The following GBF1 variants were observed in gnomAD, a reference collection of about 807,000 sequenced individuals.
GBF1 encodes the protein Golgi-specific brefeldin A-resistance guanine nucleotide exchange factor 1.
In GBF1, 114 loss-of-function variants were observed where a neutral mutation model predicts 210.5. That is an observed-to-expected ratio of 0.54 (90% CI 0.47 to 0.63). The LOEUF is 0.63. GBF1 is among the 30% of genes least tolerant of loss of function. GBF1 has a pLI of 0.00. For synonymous variants in GBF1, 850 were observed against 889.2 expected (o/e 0.96, Z 0.78); for missense variants, 1,851 against 2,357.7 (o/e 0.79, Z 4.45).
Position 102,363,346 on chromosome 10 carries a change from A to C in GBF1, c.1967A>C (p.Glu656Ala). The C allele has an allele frequency of 6.2e-7, 1 of 1,614,110 alleles. No homozygotes were observed. The highest frequency in any genetic ancestry group is 1.1e-5 in the South Asian group (1 of 91,064). The stretch of plus-strand genomic sequence containing the variant: ...CCAGGTGGAGGGCGGCTGCCACCAG[A>C]ACATGGGAAATCAGGATGCAGTGAT... ...HLPGGGRLPP[E>A]HGKSGCSDLE... The change falls in exon 16 of 40, where the codon GAA becomes GCA. Residue 656 changes from glutamate to alanine, a missense_variant. Coordinates refer to ENST00000369983, the MANE Select transcript of GBF1 (RefSeq NM_001377137.1). This position sits in a 1 kb window ranked among gnomAD's most constrained non-coding sequence, Gnocchi z 4.2.
chr10:102,348,094 G>A (rs1177881457), intron 4 of GBF1, among the ~76,000 whole-genome samples: 3 of 152,078 alleles, frequency 2.0e-5, no homozygotes, highest in Middle Eastern at 6.8e-3. Flanking sequence ...GCACCACCAC[G>A]CCCGGCTAAT....
At chr10:102,342,841 G>A (rs1205422333) in intron 3 of GBF1, among the ~76,000 whole-genome samples, 1 of 152,134 alleles carries the variant, frequency 6.6e-6, no homozygotes, top group Non-Finnish European at 1.5e-5. Flanking sequence ...TCAGAGTAAG[G>A]TAGGGAGTAA....
At chr10:102,332,751 T>C (rs2057429688) in intron 3 of GBF1, among the ~76,000 whole-genome samples, 1 of 152,188 alleles carries the variant, frequency 6.6e-6, no homozygotes, top group African/African-American at 2.4e-5. Flanking sequence ...AGTGGATCTA[T>C]GGATCCTGAT....
chr10:102,243,464 TGTC>T (rs1253424216), upstream of GBF1, among the ~76,000 whole-genome samples: 1 of 152,194 alleles, frequency 6.6e-6, no homozygotes, highest in Non-Finnish European at 1.5e-5. Context: ...ACTAGGGAAT[TGTC>T]ATCTCTCTCC....
intron 1 of GBF1, among the ~76,000 whole-genome samples, chr10:102,246,955 C>T (rs2070911552): frequency 6.6e-6 from 1 of 152,206 alleles, no homozygotes; most frequent in Non-Finnish European, 1.5e-5. Flanking sequence ...AGTGGCCTAG[C>T]TAGAGCATGT....
At chr10:102,346,187 TG>T (rs1176622719) in intron 4 of GBF1, among the ~76,000 whole-genome samples, 2 of 152,154 alleles carry the variant, frequency 1.3e-5, no homozygotes, top group Non-Finnish European at 2.9e-5. Flanking sequence ...TTCACCATAT[TG>T]GCCAGGCTGG....
At chr10:102,319,401 A>G (rs991415566) in intron 3 of GBF1, among the ~76,000 whole-genome samples, 6 of 152,232 alleles carry the variant, frequency 3.9e-5, no homozygotes, top group African/African-American at 1.4e-4. Context: ...AGTATTATTC[A>G]TTTGAATTCA....
At chr10:102,368,488 A>T in intron 22 of GBF1, 34 bp downstream of exon 22, 4 of 1,150,722 alleles carry the variant, frequency 3.5e-6, no homozygotes, top group Non-Finnish European at 5.3e-6. Context: ...TTCACCTCCC[A>T]CTAGCTCTGT....
At chr10:102,267,545 A>G (rs865863819) in intron 3 of GBF1, among the ~76,000 whole-genome samples, 9 of 152,310 alleles carry the variant, frequency 5.9e-5, no homozygotes, top group Non-Finnish European at 1.0e-4. Context: ...AGTATGTTAT[A>G]TGAAAAAAAT....
intron 3 of GBF1, among the ~76,000 whole-genome samples, chr10:102,334,132 G>A (rs1343399677): frequency 6.6e-6 from 1 of 152,200 alleles, no homozygotes; most frequent in Non-Finnish European, 1.5e-5. Flanking sequence ...GAGCAGGCTG[G>A]TGACCCTCTA....
chr10:102,235,498 C>T, the GBF1 span, among the ~76,000 whole-genome samples: 2 of 152,292 alleles, frequency 1.3e-5, no homozygotes, highest in Non-Finnish European at 2.9e-5. Context: ...CCTCTCTGAG[C>T]ACATTTCTTC....
At chr10:102,247,116 A>G (rs2070938750) in intron 1 of GBF1, among the ~76,000 whole-genome samples, 1 of 152,354 alleles carries the variant, frequency 6.6e-6, no homozygotes, top group South Asian at 2.1e-4. Context: ...GCACTTTTGC[A>G]TGATGAGGTA....
At chr10:102,313,377 T>C (rs2078653310) in intron 3 of GBF1, among the ~76,000 whole-genome samples, 1 of 152,176 alleles carries the variant, frequency 6.6e-6, no homozygotes, top group Non-Finnish European at 1.5e-5. Flanking sequence ...TCTGTGGGCC[T>C]GTAAAATTCC....
rs377251064 is a variant in GBF1 at position 102,351,855 on chromosome 10, C to T, written c.427C>T (p.Leu143=). 8 of 1,591,634 alleles carry T rather than the reference C, an allele frequency of 5.0e-6. No homozygotes were observed. The African/African-American group carries it at 1.1e-4, about 21-fold the overall frequency. ...LMKILQVLRT[L]LLTPVGAHLT... ...TTCTTCCTGATAGGTTCTACGGACT[C>T]TGCTGCTAACCCCAGTGGGTGCCCA... The change falls in exon 6 of 40, where the codon CTG becomes TTG. Residue 143 remains leucine, a synonymous_variant. Coordinates refer to ENST00000369983, the MANE Select transcript of GBF1 (RefSeq NM_001377137.1).
At chr10:102,372,401 G>C (rs1033001284) in intron 29 of GBF1, among the ~76,000 whole-genome samples, 3 of 151,680 alleles carry the variant, frequency 2.0e-5, no homozygotes, top group Non-Finnish European at 2.9e-5. Flanking sequence ...TGTAATCCCA[G>C]CTACTCAGGA....
chr10:102,363,691 CTCT>C lies in GBF1; in HGVS notation c.2018-13_2018-11del, dbSNP rs1554977103. The C allele has an allele frequency of 1.9e-6, 3 of 1,543,566 alleles. No homozygotes were observed. The highest frequency in any genetic ancestry group is 1.4e-5 in the African/African-American group (1 of 73,484). ...AAAAGGTGTTACAGATATTTCCCCC[CTCT>C]TCTTCCTACTCCTAGCTGACAAAAA... On this transcript the variant is annotated splice_polypyrimidine_tract_variant and intron_variant, in intron 16 of 39. Coordinates refer to ENST00000369983, the MANE Select transcript of GBF1 (RefSeq NM_001377137.1). This position sits in a 1 kb window ranked among gnomAD's most constrained non-coding sequence, Gnocchi z 4.2.
Position 102,376,752 on chromosome 10 carries a change from C to G in GBF1, c.4240C>G (p.Leu1414Val). ...AAHITPDNFELCVKTLRIFVE... is the reference protein window; with the variant it reads ...AAHITPDNFEVCVKTLRIFVE... ...CCACATCACACCTGACAACTTTGAG[C>G]TCTGCGTCAAGACTCTCCGGATCTT... The change falls in exon 32 of 40, where the codon CTC (leucine) becomes GTC (valine). Residue 1414 changes from leucine to valine, a missense_variant. By Grantham distance (32) the Leu-to-Val change is conservative. Coordinates refer to ENST00000369983, the MANE Select transcript of GBF1 (RefSeq NM_001377137.1). 1 of 1,610,278 alleles carries G rather than the reference C, an allele frequency of 6.2e-7. No individual in the cohort carries two copies. Among genetic ancestry groups the G allele is most frequent in the African/African-American group, 1.3e-5 (1 of 75,010 alleles).
At chr10:102,242,657 T>C (rs1348125426), upstream of GBF1, among the ~76,000 whole-genome samples, 1 of 151,840 alleles carries the variant, frequency 6.6e-6, no homozygotes, top group Non-Finnish European at 1.5e-5. Context: ...GGCCAAACAC[T>C]GTGGCTCATG....
At position 102,382,583 on chromosome 10, in the gene GBF1, T is replaced by C. The variant is rs956427821; in HGVS notation, c.*247T>C. On this transcript the variant is annotated 3_prime_UTR_variant, in exon 40 of 40. Coordinates refer to ENST00000369983, the MANE Select transcript of GBF1 (RefSeq NM_001377137.1). ...CCTGAGAGTGAACTCAGCTGTCATC[T>C]GCAGCCTCTGCCTCCAGCCCGGCAG... is the stretch of plus-strand genomic sequence containing the variant. The C allele has an allele frequency of 5.6e-5, 25 of 447,778 alleles. No homozygotes were observed. Among genetic ancestry groups the C allele is most frequent in the African/African-American group, 4.8e-4 (24 of 50,058 alleles). The allele number at this position is 447,778 out of a possible 1,614,324, so 27.7% of individuals were successfully genotyped here.
Sources: gnomAD v4.1 joint callset for allele counts (sites outside exome capture counted in the v4.1 genomes callset) on GRCh38, gnomAD v4.1.1 for gene constraint, Gnocchi (gnomAD v3.1) non-coding constraint, MANE v1.5 for transcripts, NCBI Gene and HGNC (gene_info 2026-07-23, HGNC 2026-07-21) for gene names.